Variants in AGK observed in about 807,000 individuals in gnomAD.
The protein encoded by AGK is acylglycerol kinase, mitochondrial.
A neutral mutation model predicts 66.4 loss-of-function variants in AGK; 52 were observed. The ratio of observed to expected loss-of-function variants is 0.78; its 90% CI spans 0.63 to 0.99. AGK has a LOEUF of 0.99. AGK is among the 50% of genes least tolerant of loss of function. The pLI, the probability that AGK is intolerant of heterozygous loss-of-function variation, is 0.00. For missense variants in AGK, 451 were observed against 506.6 expected, an observed-to-expected ratio of 0.89 and a Z score of 1.05; for synonymous variants, 182 against 181.1, an observed-to-expected ratio of 1.00 and a Z score of -0.04.
At chr7:141,577,208 A>G (rs999975416) in intron 2 of AGK, among the ~76,000 whole-genome samples, 2 of 152,150 alleles carry the variant, frequency 1.3e-5, no homozygotes, top group South Asian at 2.1e-4. Context: ...CTGTCTTTCC[A>G]GGGTTAACTT....
At chr7:141,647,236 C>CCAGAG (rs1797434399) in intron 13 of AGK, among the ~76,000 whole-genome samples, 1 of 152,186 alleles carries the variant, frequency 6.6e-6, no homozygotes, top group Non-Finnish European at 1.5e-5. Flanking sequence ...AACACGGCAG[C>CCAGAG]CAGAGTGATC....
intron 11 of AGK, among the ~76,000 whole-genome samples, chr7:141,639,745 A>T (rs1797248812): frequency 6.6e-6 from 1 of 152,182 alleles, no homozygotes; most frequent in African/African-American, 2.4e-5. Flanking sequence ...TGAAGACCTG[A>T]GGCTAACAAT....
chr7:141,589,074 T>A (rs1212323853), intron 2 of AGK, among the ~76,000 whole-genome samples: 1 of 152,180 alleles, frequency 6.6e-6, no homozygotes, highest in African/African-American at 2.4e-5. Flanking sequence ...CTCCTGGGAA[T>A]GCAGCCCAGT....
chr7:141,608,132 G>GC (rs1796503533), intron 5 of AGK, among the ~76,000 whole-genome samples: 1 of 152,066 alleles, frequency 6.6e-6, no homozygotes. Context: ...TTCATTTCAA[G>GC]GTTTGAAAGC....
At chr7:141,597,890 CAAAAAAAAAAAAAAAAAAAA>C (rs56295907) in intron 4 of AGK, among the ~76,000 whole-genome samples, 9 of 71,444 alleles carry the variant, frequency 1.3e-4, no homozygotes, top group African/African-American at 6.9e-4. Context: ...GACTCTGTCT[CAAAAAAAAAAAAAAAAAAAA>C]AAAAAAAAAG....
chr7:141,633,482 A>C (rs1562980311), intron 9 of AGK, among the ~76,000 whole-genome samples: 1 of 152,224 alleles, frequency 6.6e-6, no homozygotes, highest in Non-Finnish European at 1.5e-5. Flanking sequence ...ATTCTAGAGT[A>C]CCAGGATTCT....
chr7:141,652,852 G>T lies in AGK; in HGVS notation c.1197G>T (p.Leu399=), dbSNP rs139412235. 6.2e-6 allele frequency: 10 copies of T among 1,613,946 alleles called. No individual in the cohort carries two copies. The highest frequency in any genetic ancestry group is 8.5e-6 in the Non-Finnish European group (10 of 1,179,900). Residue 399 remains leucine, a synonymous_variant, in exon 16 of 16, where the codon CTG becomes CTT. Transcript: ENST00000649286. ...AAGCGATGCCTGTGGAGGTGAAACT[G>T]CTCCCCAGGAAGCTGCAGTTCTTCT... is the stretch of plus-strand genomic sequence containing the variant. ...EYEAMPVEVK[L]LPRKLQFFCD... is the part of the protein sequence containing the mutation.
In AGK at chr7:141,561,028, C is replaced by T. The variant is rs568614337; in HGVS notation, c.101+5461C>T. Among the ~76,000 whole-genome samples, 290 of 152,202 alleles carry T rather than the reference C, an allele frequency of 1.9e-3. 2 individuals carry two copies. The highest frequency in any genetic ancestry group is 6.6e-3 in the African/African-American group (275 of 41,540). Reference sequence around the variant, plus strand: ...CAGGATGGTCTCGATCTCCTGACCTCGTGATCCGCCCGCCTCGGCCTCCCA... The same window carrying T: ...CAGGATGGTCTCGATCTCCTGACCTTGTGATCCGCCCGCCTCGGCCTCCCA... On this transcript the variant is annotated intron_variant, in intron 2 of 15. Coordinates refer to ENST00000649286, the MANE Select transcript of AGK (RefSeq NM_018238.4).
intron 14 of AGK, 79 bp downstream of exon 14, chr7:141,649,412 A>G: frequency 9.4e-7 from 1 of 1,069,328 alleles, no homozygotes; most frequent in Non-Finnish European, 1.4e-6. Context: ...CATGAAGTCT[A>G]AGACAGAAAT....
chr7:141,611,424 AG>A, intron 6 of AGK, 137 bp downstream of exon 6: 1 of 545,318 alleles, frequency 1.8e-6, no homozygotes, highest in Non-Finnish European at 3.0e-6. Context: ...CTCTAAAGCT[AG>A]TATAGCTTTA....
At chr7:141,569,235 A>G (rs902475239) in intron 2 of AGK, among the ~76,000 whole-genome samples, 6 of 152,124 alleles carry the variant, frequency 3.9e-5, no homozygotes, top group Admixed American at 3.3e-4. Flanking sequence ...CTGAGAACGT[A>G]CTACTAATAA....
At position 141,596,589 on chromosome 7, in the gene AGK, A is replaced by C; in HGVS notation, c.169A>C (p.Asn57His). 1.9e-6 allele frequency: 3 copies of C among 1,614,044 alleles called. No individual in the cohort carries two copies. The highest frequency in any genetic ancestry group is 2.7e-5 in the African/African-American group (2 of 75,046). Residue 57 changes from asparagine to histidine, a missense_variant, in exon 4 of 16, where the codon AAT (asparagine) becomes CAT (histidine). Transcript: ENST00000649286. The part of the protein sequence containing the change: ...QVFGNQLIPP[N>H]AQVKKATVFL... ...GTTTGGCAATCAACTCATTCCTCCC[A>C]ATGCACAAGTGAAGAAGGCCACTGT... is the stretch of plus-strand genomic sequence containing the variant.
chr7:141,566,687 G>A (rs1010516508), intron 2 of AGK, among the ~76,000 whole-genome samples: 1 of 152,124 alleles, frequency 6.6e-6, no homozygotes, highest in African/African-American at 2.4e-5. Context: ...TTGATGTTCT[G>A]TCTCTCTGTC....
At chr7:141,596,463 T>C in intron 3 of AGK, 99 bp from the exon 4 acceptor site, 1 of 1,035,710 alleles carries the variant, frequency 9.7e-7, no homozygotes. Flanking sequence ...GTAGATACCT[T>C]ATGTGCTGCA....
At chr7:141,589,433 TC>T (rs1459243047) in intron 2 of AGK, among the ~76,000 whole-genome samples, 1 of 152,214 alleles carries the variant, frequency 6.6e-6, no homozygotes, top group African/African-American at 2.4e-5. Context: ...TTGCTATAGA[TC>T]ATCAGACTAT....
chr7:141,633,748 C>G (rs1797110039), intron 9 of AGK, among the ~76,000 whole-genome samples, 153 bp from the exon 10 acceptor site: 1 of 152,260 alleles, frequency 6.6e-6, no homozygotes, highest in Non-Finnish European at 1.5e-5. Flanking sequence ...TTTTACTAAG[C>G]ACTCACAGGG....
At chr7:141,556,564 A>G (rs913483808) in intron 2 of AGK, among the ~76,000 whole-genome samples, 11 of 151,860 alleles carry the variant, frequency 7.2e-5, no homozygotes, top group Non-Finnish European at 1.5e-4. Flanking sequence ...AAAATAAAGA[A>G]TGGGAGGCAT....
chr7:141,551,773 T>C (rs1795092533), intron 1 of AGK, among the ~76,000 whole-genome samples: 2 of 152,180 alleles, frequency 1.3e-5, no homozygotes. Context: ...CATAGCCCTT[T>C]GCAAAATGGG....
chr7:141,560,380 A>C (rs79887583), intron 2 of AGK, among the ~76,000 whole-genome samples: 2,433 of 151,550 alleles, frequency 0.016, 32 homozygotes, highest in Non-Finnish European at 0.023. Context: ...AGTCTTCTTG[A>C]GTGGAAGCTG....
Sources: gnomAD v4.1 joint callset for allele counts (sites outside exome capture counted in the v4.1 genomes callset) on GRCh38, gnomAD v4.1.1 for gene constraint, MANE v1.5 for transcripts, NCBI Gene and HGNC (gene_info 2026-07-23, HGNC 2026-07-21) for gene names.